The following KSR2 variants were observed in gnomAD, a reference collection of about 807,000 sequenced individuals.
The protein encoded by KSR2 is kinase suppressor of ras 2.
KSR2 carries 25 observed loss-of-function variants against 107.8 expected under a neutral mutation model. The observed-to-expected ratio is 0.23, with a 90% CI of 0.17 to 0.32. The LOEUF (loss-of-function observed/expected upper bound fraction) is 0.32, where lower values mean the gene tolerates loss of function less well. Among genes scored for constraint, KSR2 ranks in the 10% least tolerant of loss-of-function variants. KSR2 has a pLI of 1.00. For synonymous variants in KSR2, 480 were observed against 507.0 expected, an observed-to-expected ratio of 0.95 and a Z score of 0.71; for missense variants, 887 against 1,268.9, an observed-to-expected ratio of 0.70 and a Z score of 4.57.
At chr12:117,825,520 T>G (rs1891710917) in intron 3 of KSR2, among the ~76,000 whole-genome samples, 1 of 152,194 alleles carries the variant, frequency 6.6e-6, no homozygotes, top group Non-Finnish European at 1.5e-5. Context: ...CCATCCCTTC[T>G]CTCCTTTGCA....
At chr12:117,581,590 C>T (rs1879665863) in intron 6 of KSR2, among the ~76,000 whole-genome samples, 1 of 152,208 alleles carries the variant, frequency 6.6e-6, no homozygotes, top group South Asian at 2.1e-4. Flanking sequence ...TTGCCCCACT[C>T]ACCCTGCTAA....
At chr12:117,536,812 T>C (rs529430351) in intron 10 of KSR2, among the ~76,000 whole-genome samples, 1 of 152,382 alleles carries the variant, frequency 6.6e-6, no homozygotes, top group East Asian at 1.9e-4. Context: ...ATTTCAGTTT[T>C]CACTGTTACA....
At chr12:117,857,425 C>A (rs906189973) in intron 2 of KSR2, among the ~76,000 whole-genome samples, 1 of 152,122 alleles carries the variant, frequency 6.6e-6, no homozygotes, top group Admixed American at 6.6e-5. Context: ...AAGGATTCTC[C>A]TCTTTGCTTC....
At chr12:117,782,629 C>T (rs1889925935) in intron 3 of KSR2, among the ~76,000 whole-genome samples, 2 of 152,082 alleles carry the variant, frequency 1.3e-5, no homozygotes, top group Admixed American at 1.3e-4. Context: ...TTGCGAGTAC[C>T]ACCTCATTGT....
At chr12:117,494,515 G>A (rs745772781) in intron 14 of KSR2, among the ~76,000 whole-genome samples, 10 of 152,092 alleles carry the variant, frequency 6.6e-5, no homozygotes, top group Non-Finnish European at 1.3e-4. Context: ...GAGAACCACC[G>A]CTCAAGCCCA....
At chr12:117,962,776 TAC>T (rs1044442005) in intron 1 of KSR2, among the ~76,000 whole-genome samples, 87 of 151,720 alleles carry the variant, frequency 5.7e-4, no homozygotes, top group African/African-American at 2.1e-3. Flanking sequence ...GCCCAGAAAC[TAC>T]AGTTTGTACA....
intron 16 of KSR2, among the ~76,000 whole-genome samples, chr12:117,478,017 T>C (rs1283836063): frequency 6.6e-6 from 1 of 152,152 alleles, no homozygotes; most frequent in Non-Finnish European, 1.5e-5. Context: ...CCCTCTGAGA[T>C]CTTCACTGAC....
At chr12:117,771,154 T>C (rs187242212) in intron 3 of KSR2, among the ~76,000 whole-genome samples, 1 of 152,244 alleles carries the variant, frequency 6.6e-6, no homozygotes, top group Admixed American at 6.5e-5. Context: ...GTCACTAAGC[T>C]AAAGGGAAAA....
At chr12:117,733,365 C>G (rs1355418439) in intron 4 of KSR2, among the ~76,000 whole-genome samples, 1 of 152,204 alleles carries the variant, frequency 6.6e-6, no homozygotes, top group Non-Finnish European at 1.5e-5. Context: ...CCTGCCTGAA[C>G]ACGTCCCACT....
chr12:117,738,904 C>T (rs1207148391), intron 4 of KSR2, among the ~76,000 whole-genome samples: 2 of 151,738 alleles, frequency 1.3e-5, no homozygotes, highest in Non-Finnish European at 2.9e-5. Context: ...TACACCTGTG[C>T]AGGGCACTTA....
chr12:117,967,946 C>T (rs1214510991), intron 1 of KSR2, 130 bp downstream of exon 1: 2 of 821,786 alleles, frequency 2.4e-6, no homozygotes, highest in East Asian at 2.5e-5. Context: ...CCTTGCTTGC[C>T]CACACCACCA....
At chr12:117,937,830 C>T (rs1485907215) in intron 1 of KSR2, among the ~76,000 whole-genome samples, 2 of 151,176 alleles carry the variant, frequency 1.3e-5, no homozygotes, top group Non-Finnish European at 1.5e-5. Context: ...ATTAGCCAGG[C>T]GTGGCAGTGC....
At chr12:117,756,793 G>T (rs1397582350) in intron 4 of KSR2, among the ~76,000 whole-genome samples, 1 of 152,172 alleles carries the variant, frequency 6.6e-6, no homozygotes, top group Non-Finnish European at 1.5e-5. Flanking sequence ...AGTGGCTCAC[G>T]CCTGTAATCC....
chr12:117,882,861 CCATCCAATCATCCATG>C (rs1894068817), intron 1 of KSR2, among the ~76,000 whole-genome samples: 1 of 151,928 alleles, frequency 6.6e-6, no homozygotes, highest in South Asian at 2.1e-4. Flanking sequence ...AACAATCCAT[CCATCCAATCATCCATG>C]CAGGCATCCA....
chr12:117,623,526 A>G (rs781432980), intron 5 of KSR2, among the ~76,000 whole-genome samples: 2 of 152,176 alleles, frequency 1.3e-5, no homozygotes, highest in Non-Finnish European at 2.9e-5. Context: ...GATGGTTTCC[A>G]GCTTAATCCA....
intron 4 of KSR2, among the ~76,000 whole-genome samples, chr12:117,741,237 C>T (rs897112993): frequency 6.6e-6 from 1 of 151,886 alleles, no homozygotes; most frequent in Non-Finnish European, 1.5e-5. Flanking sequence ...AAGTAGAGAG[C>T]TGGGTGTGGT....
intron 1 of KSR2, among the ~76,000 whole-genome samples, chr12:117,926,695 G>A (rs910680032): frequency 4.6e-5 from 7 of 152,194 alleles, no homozygotes; most frequent in African/African-American, 9.7e-5. Flanking sequence ...TGGCAGAGAC[G>A]GCCCAATGAC....
intron 3 of KSR2, among the ~76,000 whole-genome samples, chr12:117,849,198 A>C (rs1342016087): frequency 6.6e-6 from 1 of 152,126 alleles, no homozygotes; most frequent in East Asian, 1.9e-4. Flanking sequence ...GGGCACTACC[A>C]ACCCCGCTTA....
At chr12:117,645,870 T>C (rs1437430604) in intron 5 of KSR2, among the ~76,000 whole-genome samples, 3 of 2,704 alleles carry the variant, frequency 1.1e-3, no homozygotes, top group African/African-American at 4.9e-3. Context: ...TGTATGTGCG[T>C]GTGTGTGTGT....
Sources: allele counts gnomAD v4.1 joint callset (sites outside exome capture counted in the v4.1 genomes callset), GRCh38; gene constraint gnomAD v4.1.1; transcripts MANE v1.5; gene names NCBI Gene and HGNC (gene_info 2026-07-23, HGNC 2026-07-21).